Variants in GAS7 observed in about 807,000 individuals in gnomAD.
The protein encoded by GAS7 is growth arrest-specific protein 7.
In GAS7, 28 loss-of-function variants were observed where a neutral mutation model predicts 71.1. The observed-to-expected ratio is 0.39, with a 90% CI of 0.29 to 0.54. GAS7 has a LOEUF of 0.54. Ranked by LOEUF, GAS7 falls within the 20% of genes least tolerant of loss-of-function variation. The pLI is 0.62. For missense variants in GAS7, 436 were observed against 627.8 expected (o/e 0.69, Z 3.27); for synonymous variants, 258 against 245.8 (o/e 1.05, Z -0.46).
chr17:10,157,777 C>T (rs2142114648), intron 1 of GAS7, among the ~76,000 whole-genome samples: 1 of 152,300 alleles, frequency 6.6e-6, no homozygotes, highest in South Asian at 2.1e-4. Context: ...AGACATATCA[C>T]CCTTAGGCAT....
At chr17:10,169,434 T>C (rs2074318943) in intron 1 of GAS7, among the ~76,000 whole-genome samples, 1 of 152,210 alleles carries the variant, frequency 6.6e-6, no homozygotes, top group African/African-American at 2.4e-5. Flanking sequence ...CAGTTTATGC[T>C]GTTTGTAATG....
At chr17:10,019,011 G>T (rs2072154081) in intron 2 of GAS7, among the ~76,000 whole-genome samples, 1 of 152,138 alleles carries the variant, frequency 6.6e-6, no homozygotes, top group African/African-American at 2.4e-5. Flanking sequence ...ACCCTGTCCT[G>T]CCCTGCCCAA....
Position 9,914,109 on chromosome 17 carries a change from G to T in GAS7, c.*3119C>A, listed in dbSNP as rs941246950. The T allele has an allele frequency of 4.4e-6, 1 of 227,942 alleles. No homozygotes were observed. Among genetic ancestry groups the T allele is most frequent in the East Asian group, 6.3e-5 (1 of 15,924 alleles). 14.1% of individuals were successfully genotyped at this position (227,942 alleles called of 1,614,324 possible). A position where few individuals can be genotyped will look rare whatever the true frequency, so the allele number is the denominator to read the frequency against. ...CTAACCTTGATTTCAACCAGAAACG[G>T]GCCCCTGTTCATACGGATAGGGGTT... On this transcript the variant is annotated 3_prime_UTR_variant, in exon 14 of 14. Transcript: ENST00000432992.
At chr17:9,929,216 C>G (rs2068121030) in intron 9 of GAS7, among the ~76,000 whole-genome samples, 1 of 152,154 alleles carries the variant, frequency 6.6e-6, no homozygotes, top group East Asian at 1.9e-4. Flanking sequence ...TCTCTAAGGA[C>G]ATGGAAAGCA....
At chr17:10,075,346 C>T (rs1280449330) in intron 1 of GAS7, among the ~76,000 whole-genome samples, 2 of 150,192 alleles carry the variant, frequency 1.3e-5, no homozygotes, top group Non-Finnish European at 3.0e-5. Context: ...CAGAGCAAGA[C>T]ACTGTCTCAC....
chr17:9,912,003 C>T lies in GAS7; in HGVS notation c.*5225G>A, dbSNP rs2067451195. ...ACAGGCCAGGCTGTGTGATCACCAGCTAGGCAAGGCTCCAGCTGCGACAAG... is the reference window on the plus strand; with the variant it reads ...ACAGGCCAGGCTGTGTGATCACCAGTTAGGCAAGGCTCCAGCTGCGACAAG... On this transcript the variant is annotated 3_prime_UTR_variant, in exon 14 of 14. Transcript: ENST00000432992. 4.3e-6 allele frequency: 1 copy of T among 232,014 alleles called. No homozygotes were observed. The highest frequency in any genetic ancestry group is 6.1e-5 in the East Asian group (1 of 16,412). 14.4% of individuals were successfully genotyped at this position (232,014 alleles called of 1,614,324 possible).
At chr17:9,954,815 G>T (rs116172190) in intron 5 of GAS7, among the ~76,000 whole-genome samples, 1 of 152,142 alleles carries the variant, frequency 6.6e-6, no homozygotes, top group Non-Finnish European at 1.5e-5. Flanking sequence ...GAAACCCTGA[G>T]TTGACTGACC....
chr17:9,926,779 G>A lies in GAS7; in HGVS notation c.886-10C>T, dbSNP rs778017950. The stretch of plus-strand genomic sequence containing the variant: ...CCACCTCGCTGTGAAGCTGTTGGGA[G>A]AGTAGAGACGCACACTCAGGACCCA... On this transcript the variant is annotated splice_polypyrimidine_tract_variant and intron_variant, in intron 9 of 13. Coordinates refer to ENST00000432992, the MANE Select transcript of GAS7 (RefSeq NM_201433.2). The surrounding 1 kb of genome is among the most constrained non-coding windows in gnomAD (Gnocchi z 5.0). 5.0e-6 allele frequency: 8 copies of A among 1,613,952 alleles called. No homozygotes were observed. In the East Asian group the frequency reaches 1.6e-4, roughly 31 times the overall value.
chr17:9,951,760 CAAA>C (rs59048492), intron 5 of GAS7, among the ~76,000 whole-genome samples: 1,324 of 68,944 alleles, frequency 0.019, 14 homozygotes, highest in African/African-American at 0.057. Flanking sequence ...AACTCTGTCT[CAAA>C]AAAAAAAAAA....
intron 1 of GAS7, among the ~76,000 whole-genome samples, chr17:10,046,777 A>G (rs1200262607): frequency 9.0e-6 from 1 of 110,962 alleles, no homozygotes; most frequent in Non-Finnish European, 1.7e-5. Flanking sequence ...GAAGAGAAAG[A>G]AAGAAAGAAA....
At chr17:10,064,783 C>A (rs912016620) in intron 1 of GAS7, among the ~76,000 whole-genome samples, 1 of 152,108 alleles carries the variant, frequency 6.6e-6, no homozygotes, top group African/African-American at 2.4e-5. Flanking sequence ...TCAAACCATG[C>A]CTGAAGCTGA....
At chr17:10,002,932 A>C (rs2071327530) in intron 2 of GAS7, among the ~76,000 whole-genome samples, 1 of 152,236 alleles carries the variant, frequency 6.6e-6, no homozygotes, top group Non-Finnish European at 1.5e-5. Context: ...ACCCAGCAAT[A>C]GGATGGCTGG....
At chr17:9,960,994 G>A (rs1157724956) in intron 4 of GAS7, among the ~76,000 whole-genome samples, 1 of 152,150 alleles carries the variant, frequency 6.6e-6, no homozygotes, top group African/African-American at 2.4e-5. Flanking sequence ...TGAGGAAAAA[G>A]TGTCCAAAAT....
chr17:9,982,253 T>C (rs770238465), intron 2 of GAS7, among the ~76,000 whole-genome samples: 9 of 152,190 alleles, frequency 5.9e-5, no homozygotes, highest in Non-Finnish European at 1.3e-4. Flanking sequence ...ACTCTTCTCC[T>C]GGAACCCTGA....
At chr17:10,097,098 T>C (rs2073648548) in intron 1 of GAS7, among the ~76,000 whole-genome samples, 1 of 152,264 alleles carries the variant, frequency 6.6e-6, no homozygotes, top group East Asian at 1.9e-4. Context: ...CGCCGATCTC[T>C]GGCGCTGGGC....
intron 1 of GAS7, among the ~76,000 whole-genome samples, chr17:10,134,286 C>T: frequency 6.6e-6 from 1 of 152,158 alleles, no homozygotes; most frequent in Non-Finnish European, 1.5e-5. Flanking sequence ...CCGCCTCGGC[C>T]TCCCAAAGTG....
intron 1 of GAS7, among the ~76,000 whole-genome samples, chr17:10,063,798 C>T (rs754872128): frequency 5.3e-5 from 8 of 152,298 alleles, no homozygotes; most frequent in Non-Finnish European, 1.2e-4. Context: ...CCCTGGGTCA[C>T]CCTCCCTGGT....
intron 11 of GAS7, among the ~76,000 whole-genome samples, chr17:9,924,349 A>AT (rs774756419): frequency 1.3e-5 from 2 of 151,794 alleles, no homozygotes; most frequent in East Asian, 1.9e-4. Flanking sequence ...ATTTTTTCAA[A>AT]TTTTTTTGTA....
intron 1 of GAS7, among the ~76,000 whole-genome samples, chr17:10,082,049 G>A (rs1481203524): frequency 6.6e-6 from 1 of 152,158 alleles, no homozygotes; most frequent in East Asian, 1.9e-4. Flanking sequence ...GTACGCAGCA[G>A]TTAAGATGAA....
Sources: gnomAD v4.1 joint callset for allele counts (sites outside exome capture counted in the v4.1 genomes callset) on GRCh38, gnomAD v4.1.1 for gene constraint, Gnocchi (gnomAD v3.1) non-coding constraint, MANE v1.5 for transcripts, NCBI Gene and HGNC (gene_info 2026-07-23, HGNC 2026-07-21) for gene names.